Variants in SORD observed in about 807,000 individuals in gnomAD.
SORD encodes the protein (R,R)-butanediol dehydrogenase.
Under a neutral mutation model 35.6 loss-of-function variants are expected in SORD, and 18 were observed. The ratio of observed to expected loss-of-function variants is 0.51; its 90% CI spans 0.35 to 0.75. SORD has a LOEUF of 0.75. Among genes scored for constraint, SORD ranks in the 30% least tolerant of loss-of-function variants. The pLI is 0.01. For synonymous variants in SORD, 106 were observed against 152.9 expected, an observed-to-expected ratio of 0.69 and a Z score of 2.26; for missense variants, 250 against 390.2, an observed-to-expected ratio of 0.64 and a Z score of 3.03.
At chr15:45,054,834 G>A (rs1893187740) in intron 3 of SORD, among the ~76,000 whole-genome samples, 1 of 150,680 alleles carries the variant, frequency 6.6e-6, no homozygotes, top group African/African-American at 2.4e-5. Context: ...AAGGTGTAAG[G>A]AAGGGATCCA....
intron 2 of SORD, among the ~76,000 whole-genome samples, chr15:45,040,725 T>C (rs1892953569): frequency 6.6e-6 from 1 of 152,186 alleles, no homozygotes; most frequent in Non-Finnish European, 1.5e-5. Flanking sequence ...ATGTGAAGTA[T>C]ATGGACCAAT....
chr15:45,026,275 A>ATAG (rs1892667307), intron 1 of SORD, among the ~76,000 whole-genome samples: 1 of 152,212 alleles, frequency 6.6e-6, no homozygotes, highest in Non-Finnish European at 1.5e-5. Context: ...ACTAGGAGGA[A>ATAG]CAATCCTGGG....
chr15:45,045,139 C>T (rs1299286235), intron 3 of SORD, among the ~76,000 whole-genome samples: 1 of 152,186 alleles, frequency 6.6e-6, no homozygotes, highest in Non-Finnish European at 1.5e-5. Context: ...GTCTTTTGGA[C>T]TCTAGAGCAA....
chr15:45,060,176 G>A (rs1485369138), intron 3 of SORD, among the ~76,000 whole-genome samples: 6 of 152,162 alleles, frequency 3.9e-5, no homozygotes, highest in East Asian at 3.9e-4. Context: ...GAAGTGCATC[G>A]GAAAAGAAGA....
chr15:45,064,314 C>T (rs529943941), intron 4 of SORD, among the ~76,000 whole-genome samples: 1 of 152,238 alleles, frequency 6.6e-6, no homozygotes, highest in South Asian at 2.1e-4. Context: ...CTTGGCAATT[C>T]TCTTAATGTC....
At chr15:45,025,821 C>T (rs1207725186) in intron 1 of SORD, among the ~76,000 whole-genome samples, 6 of 152,108 alleles carry the variant, frequency 3.9e-5, no homozygotes, top group Non-Finnish European at 5.9e-5. Context: ...GTCAGGGAGG[C>T]TTGGTTGTCA....
chr15:45,064,304 C>T (rs1298071704), intron 4 of SORD, among the ~76,000 whole-genome samples: 1 of 152,142 alleles, frequency 6.6e-6, no homozygotes, highest in African/African-American at 2.4e-5. Flanking sequence ...GCTTCATAAC[C>T]TTGGCAATTC....
rs1190502379 is a variant in SORD, at chr15:45,031,313, ACAACAACAACGAC to A, written c.66+7965_66+7977del. On this transcript the variant is annotated intron_variant, in intron 1 of 8. Coordinates refer to ENST00000267814, the MANE Select transcript of SORD (RefSeq NM_003104.6). ...ACAGAATGAGAACCCATCTCTTAAA[ACAACAACAACGAC>A]AAAAAAAAAAAAACAACAGGGAATG... 2.3e-4 allele frequency among the ~76,000 whole-genome samples: 20 copies of A among 87,942 alleles called. No individual in the cohort carries two copies. In the African/African-American group the frequency reaches 4.4e-3, roughly 19 times the overall value. 57.7% of individuals were successfully genotyped at this position (87,942 alleles called of 152,430 possible). A position where few individuals can be genotyped will look rare whatever the true frequency, so the allele number is the denominator to read the frequency against.
chr15:45,063,040 G>C (rs1893347259), intron 4 of SORD, among the ~76,000 whole-genome samples: 2 of 147,482 alleles, frequency 1.4e-5, no homozygotes, highest in African/African-American at 2.6e-5. Flanking sequence ...AGAGAGCCTT[G>C]TGCTGGTGGT....
rs556647047 is a variant in SORD at position 45,067,980 on chromosome 15, G to A, written c.545-201G>A. Reference sequence around the variant, plus strand: ...GATTAAATAGAACCCAGCACTAGGAGCGTATTTTATGTAGAGAATAATTCT... The same window carrying A: ...GATTAAATAGAACCCAGCACTAGGAACGTATTTTATGTAGAGAATAATTCT... On this transcript the variant is annotated intron_variant, in intron 5 of 8. Coordinates refer to ENST00000267814, the MANE Select transcript of SORD (RefSeq NM_003104.6). Among the ~76,000 whole-genome samples, 12 of 152,290 alleles carry A rather than the reference G, an allele frequency of 7.9e-5. No homozygotes were observed. The South Asian group carries it at 2.5e-3, about 32-fold the overall frequency.
chr15:45,050,401 C>G (rs1311900989), intron 3 of SORD: 1 of 152,184 alleles, frequency 6.6e-6, no homozygotes, highest in Non-Finnish European at 1.5e-5. Flanking sequence ...AAGCTGAGCC[C>G]AGCCATGGAT....
intron 1 of SORD, among the ~76,000 whole-genome samples, chr15:45,030,103 C>A (rs1186017121): frequency 6.6e-6 from 1 of 152,176 alleles, no homozygotes; most frequent in African/African-American, 2.4e-5. Context: ...TGATCCAGTC[C>A]CAGGATTTAA....
chr15:45,049,150 T>C (rs1893089714), intron 3 of SORD, among the ~76,000 whole-genome samples: 1 of 152,228 alleles, frequency 6.6e-6, no homozygotes, highest in South Asian at 2.1e-4. Flanking sequence ...TGCCTGCAGC[T>C]TGATTTTTCC....
At chr15:45,032,297 TGTTATGTATTTTACCAC>T (rs1892799761) in intron 1 of SORD, among the ~76,000 whole-genome samples, 1 of 152,220 alleles carries the variant, frequency 6.6e-6, no homozygotes, top group Admixed American at 6.6e-5. Context: ...GTAAATTTTA[TGTTATGTATTTTACCAC>T]AATATATTTT....
intron 4 of SORD, among the ~76,000 whole-genome samples, 156 bp downstream of exon 4, chr15:45,061,382 G>A (rs1446903434): frequency 6.6e-6 from 1 of 152,130 alleles, no homozygotes; most frequent in Non-Finnish European, 1.5e-5. Flanking sequence ...CATTGAGAGA[G>A]GGTAGCCTCC....
chr15:45,061,919 A>C (rs535581153), intron 4 of SORD, among the ~76,000 whole-genome samples: 129 of 152,238 alleles, frequency 8.5e-4, no homozygotes, highest in African/African-American at 2.9e-3. Context: ...ACACACCATG[A>C]CAGCAACGGC....
chr15:45,040,887 C>T (rs989992895), intron 2 of SORD, among the ~76,000 whole-genome samples: 6 of 152,124 alleles, frequency 3.9e-5, no homozygotes, highest in African/African-American at 1.5e-4. Context: ...ATCATGCCAG[C>T]TTTCCCCACT....
intron 3 of SORD, among the ~76,000 whole-genome samples, chr15:45,046,133 G>C (rs377697486): frequency 0.12 from 18,923 of 151,926 alleles, 1,571 homozygotes; most frequent in South Asian, 0.3. Context: ...GGATCTTGAA[G>C]GCTAGGTGGA....
intron 3 of SORD, among the ~76,000 whole-genome samples, chr15:45,053,408 T>C (rs909090159): frequency 6.6e-6 from 1 of 152,154 alleles, no homozygotes; most frequent in Non-Finnish European, 1.5e-5. Context: ...ACACTAATAA[T>C]GCAATTACTG....
Sources: allele counts gnomAD v4.1 joint callset (sites outside exome capture counted in the v4.1 genomes callset), GRCh38; gene constraint gnomAD v4.1.1; transcripts MANE v1.5; gene names NCBI Gene and HGNC (gene_info 2026-07-23, HGNC 2026-07-21).